GSE1: variants seen among roughly 807,000 people sequenced by gnomAD.
The protein encoded by GSE1 is genetic suppressor element 1.
GSE1 carries 32 observed loss-of-function variants against 112.6 expected under a neutral mutation model. The ratio of observed to expected loss-of-function variants is 0.28; its 90% CI spans 0.21 to 0.38. GSE1 has a LOEUF of 0.38. Among genes scored for constraint, GSE1 ranks in the 10% least tolerant of loss-of-function variants. The pLI is 1.00. For synonymous variants in GSE1, 1,115 were observed against 735.6 expected (o/e 1.52, Z -8.35); for missense variants, 2,348 against 1,699.2 (o/e 1.38, Z -6.71).
intron 1 of GSE1, among the ~76,000 whole-genome samples, chr16:85,220,814 T>C (rs2075378142): frequency 6.6e-6 from 1 of 152,104 alleles, no homozygotes; most frequent in Non-Finnish European, 1.5e-5. Flanking sequence ...AGTATGTGTC[T>C]CTGTCTCTGA....
chr16:85,599,591 G>A (rs913350563), intron 1 of GSE1, among the ~76,000 whole-genome samples: 1 of 152,234 alleles, frequency 6.6e-6, no homozygotes, highest in African/African-American at 2.4e-5. Context: ...GGCCACCTGT[G>A]ATCACAAGCC....
chr16:85,575,629 A>G (rs1161082516), intron 1 of GSE1, among the ~76,000 whole-genome samples: 1 of 152,030 alleles, frequency 6.6e-6, no homozygotes, highest in Non-Finnish European at 1.5e-5. Flanking sequence ...TGTTCATTTT[A>G]TAGGGTTTTT....
chr16:85,469,662 T>A (rs1381536179), intron 2 of GSE1, among the ~76,000 whole-genome samples: 1 of 152,226 alleles, frequency 6.6e-6, no homozygotes, highest in African/African-American at 2.4e-5. Flanking sequence ...GGGCATAGCT[T>A]TGGGGACCTG....
intron 2 of GSE1, among the ~76,000 whole-genome samples, chr16:85,647,357 G>C (rs143066920): frequency 1.3e-5 from 2 of 152,236 alleles, no homozygotes; most frequent in African/African-American, 2.4e-5. Context: ...GGCGAGTTCC[G>C]GGGTAGGTCG....
intron 2 of GSE1, among the ~76,000 whole-genome samples, chr16:85,400,309 GAT>G (rs2048072403): frequency 6.6e-6 from 1 of 151,466 alleles, no homozygotes; most frequent in Non-Finnish European, 1.5e-5. Flanking sequence ...TTCTGTGTAT[GAT>G]TTTGTGTGTG....
At chr16:85,237,897 C>G (rs1043711820) in intron 1 of GSE1, among the ~76,000 whole-genome samples, 1 of 151,824 alleles carries the variant, frequency 6.6e-6, no homozygotes, top group Non-Finnish European at 1.5e-5. Flanking sequence ...TGTGGCAAGA[C>G]GGGCCTATCT....
chr16:85,222,564 C>G (rs191722459), intron 1 of GSE1, among the ~76,000 whole-genome samples: 7 of 152,340 alleles, frequency 4.6e-5, no homozygotes, highest in Admixed American at 6.5e-5. Flanking sequence ...TTCACAATAG[C>G]CAGTTCCCAC....
upstream of GSE1, chr16:85,611,517 G>C: frequency 2.0e-6 from 2 of 981,082 alleles, no homozygotes; most frequent in East Asian, 1.1e-4. Context: ...TGCCAGGGCC[G>C]GCCAGCGTCC....
In GSE1 at chr16:85,672,575, G is replaced by C. The variant is rs2053440707; in HGVS notation, c.*36G>C. 7.0e-7 allele frequency: 1 copy of C among 1,437,742 alleles called. No homozygotes were observed. Among genetic ancestry groups the C allele is most frequent in the Non-Finnish European group, 9.5e-7 (1 of 1,056,978 alleles). 89.1% of individuals were successfully genotyped at this position (1,437,742 alleles called of 1,614,324 possible). ...TGCACTAGGCCGAACCTATAGTATA[G>C]AAATATTATCTATTTTATTACCTTG... On this transcript the variant is annotated 3_prime_UTR_variant, in exon 16 of 16. Transcript: ENST00000253458.
At chr16:85,361,134 C>CA (rs2047065348) in intron 2 of GSE1, among the ~76,000 whole-genome samples, 1 of 122,200 alleles carries the variant, frequency 8.2e-6, no homozygotes, top group Admixed American at 8.4e-5. Context: ...GGCACAGACC[C>CA]CCCCCACACA....
chr16:85,245,582 G>C (rs992831446), intron 1 of GSE1, among the ~76,000 whole-genome samples: 1 of 152,132 alleles, frequency 6.6e-6, no homozygotes, highest in Admixed American at 6.5e-5. Context: ...GGATTTCTTG[G>C]ATATAAAGTT....
chr16:85,656,659 C>A lies in GSE1; in HGVS notation c.1306C>A (p.Arg436=). Residue 436 remains arginine, a synonymous_variant, in exon 7 of 16, where the codon CGA becomes AGA. Coordinates refer to ENST00000253458, the MANE Select transcript of GSE1 (RefSeq NM_014615.5). ...GKPSEQLTPT[R]AEKLKDAGLQ... is the part of the protein sequence containing the mutation. Reference sequence around the variant, plus strand: ...GCCCTCGGAGCAGCTGACCCCAACCCGAGCAGGTACCTGGGCGTGGGTGGG... The same window carrying A: ...GCCCTCGGAGCAGCTGACCCCAACCAGAGCAGGTACCTGGGCGTGGGTGGG... 1 of 1,514,682 alleles carries A rather than the reference C, an allele frequency of 6.6e-7. No individual in the cohort carries two copies. Among genetic ancestry groups the A allele is most frequent in the Non-Finnish European group, 8.8e-7 (1 of 1,129,962 alleles). 93.8% of individuals were successfully genotyped at this position (1,514,682 alleles called of 1,614,324 possible).
In GSE1 at chr16:85,300,381, C is replaced by T. The variant is rs566185633; in HGVS notation, c.2284-57082C>T. On this transcript the variant is annotated intron_variant, in intron 1 of 2. Transcript: ENST00000637419. ...ATTTGCAGTGCCGTACAACTGTCAC[C>T]GCCGTCTAGTTCCCAAACTTTCTCC... 3.3e-5 allele frequency among the ~76,000 whole-genome samples: 5 copies of T among 152,302 alleles called. No individual in the cohort carries two copies. The South Asian group carries it at 8.3e-4, about 25-fold the overall frequency.
intron 1 of GSE1, among the ~76,000 whole-genome samples, chr16:85,586,594 C>T (rs1216856466): frequency 1.3e-5 from 2 of 152,220 alleles, no homozygotes; most frequent in African/African-American, 2.4e-5. Context: ...GGCCAAGAGT[C>T]GCAGCTGCTC....
intron 1 of GSE1, among the ~76,000 whole-genome samples, chr16:85,191,038 C>A (rs531229362): frequency 2.0e-5 from 3 of 152,144 alleles, no homozygotes; most frequent in Non-Finnish European, 4.4e-5. Context: ...GCAGGTGGAT[C>A]GCTTTAGGCC....
At chr16:85,276,165 C>T (rs10445050) in intron 1 of GSE1, among the ~76,000 whole-genome samples, 8 of 152,166 alleles carry the variant, frequency 5.3e-5, no homozygotes, top group Non-Finnish European at 8.8e-5. Flanking sequence ...CAGCTGGGAG[C>T]AGCAGGCCAG....
At chr16:85,584,149 G>A (rs1036295665) in intron 1 of GSE1, among the ~76,000 whole-genome samples, 1 of 151,222 alleles carries the variant, frequency 6.6e-6, no homozygotes, top group Non-Finnish European at 1.5e-5. Context: ...GTGTGCGTGC[G>A]TGCCGGTGCG....
chr16:85,465,672 G>A (rs948778661), intron 2 of GSE1, among the ~76,000 whole-genome samples: 2 of 152,078 alleles, frequency 1.3e-5, no homozygotes, highest in African/African-American at 4.8e-5. Context: ...CCAGCCATAA[G>A]TCATCTCTCC....
upstream of GSE1, among the ~76,000 whole-genome samples, chr16:85,609,467 A>G (rs1402718363): frequency 6.6e-6 from 1 of 152,224 alleles, no homozygotes; most frequent in African/African-American, 2.4e-5. Flanking sequence ...TGGAAAACCA[A>G]GTGTGAAACA....
Sources: gnomAD v4.1 joint callset for allele counts (sites outside exome capture counted in the v4.1 genomes callset) on GRCh38, gnomAD v4.1.1 for gene constraint, MANE v1.5 for transcripts, NCBI Gene and HGNC (gene_info 2026-07-23, HGNC 2026-07-21) for gene names.